The following BMPR2 variants were observed in gnomAD, a reference collection of about 807,000 sequenced individuals.
BMPR2 encodes bone morphogenetic protein receptor type-2.
Under a neutral mutation model 100.8 loss-of-function variants are expected in BMPR2, and 29 were observed. The observed-to-expected ratio is 0.29, with a 90% CI of 0.21 to 0.39. The LOEUF (loss-of-function observed/expected upper bound fraction) is 0.39. Among genes scored for constraint, BMPR2 ranks in the 10% least tolerant of loss-of-function variants. The pLI is 1.00. For missense variants in BMPR2, 1,011 were observed against 1,274.5 expected, an observed-to-expected ratio of 0.79 and a Z score of 3.15; for synonymous variants, 382 against 442.3, an observed-to-expected ratio of 0.86 and a Z score of 1.71.
chr2:202,555,377 C>T lies in BMPR2; in HGVS notation c.1712C>T (p.Ser571Phe). 6.2e-7 allele frequency: 1 copy of T among 1,614,136 alleles called. No individual in the cohort carries two copies. The highest frequency in any genetic ancestry group is 8.5e-7 in the Non-Finnish European group (1 of 1,180,014). The stretch of plus-strand genomic sequence containing the variant: ...GTGAAGAATATTTCCTCTGAGCATT[C>T]TATGTCCAGCACACCTTTGACTATA... ...SIVKNISSEH[S>F]MSSTPLTIGE... Residue 571 changes from serine (S) to phenylalanine (F), a missense_variant, in exon 12 of 13, where the codon TCT becomes TTT. Ser to Phe is a radical substitution (Grantham distance 155). This residue lies in a region of BMPR2 where 508 missense variants were observed against 552.0 expected (regional missense o/e 0.92). Coordinates refer to ENST00000374580, the MANE Select transcript of BMPR2 (RefSeq NM_001204.7).
intron 10 of BMPR2, among the ~76,000 whole-genome samples, chr2:202,548,505 C>G (rs1361620008): frequency 6.6e-6 from 1 of 152,016 alleles, no homozygotes; most frequent in East Asian, 1.9e-4. Flanking sequence ...TAGTATAATA[C>G]TTAACCTTAC....
At chr2:202,444,948 C>G (rs1048216505) in intron 1 of BMPR2, among the ~76,000 whole-genome samples, 2 of 150,346 alleles carry the variant, frequency 1.3e-5, no homozygotes, top group Non-Finnish European at 2.9e-5. Context: ...GCCACCATGC[C>G]TGGCTAATTT....
intron 9 of BMPR2, among the ~76,000 whole-genome samples, chr2:202,535,888 G>A (rs1688146840): frequency 6.6e-6 from 1 of 152,230 alleles, no homozygotes; most frequent in Admixed American, 6.5e-5. Flanking sequence ...CTGGAGACCG[G>A]CCTGGCCAAC....
At chr2:202,485,329 T>C (rs1486257961) in intron 3 of BMPR2, among the ~76,000 whole-genome samples, 1 of 151,962 alleles carries the variant, frequency 6.6e-6, no homozygotes, top group Admixed American at 6.6e-5. Flanking sequence ...TTGGACAGCT[T>C]TGGAGGCCAG....
intron 3 of BMPR2, among the ~76,000 whole-genome samples, chr2:202,470,770 CA>C (rs35813080): frequency 0.21 from 13,840 of 65,420 alleles, 486 homozygotes; most frequent in Non-Finnish European, 0.24. Flanking sequence ...GACTCCGTCT[CA>C]AAAAAAAAAA....
chr2:202,444,948 C>T (rs1048216505), intron 1 of BMPR2, among the ~76,000 whole-genome samples: 1 of 150,346 alleles, frequency 6.7e-6, no homozygotes, highest in Non-Finnish European at 1.5e-5. Flanking sequence ...GCCACCATGC[C>T]TGGCTAATTT....
At chr2:202,535,200 C>G (rs1688121593) in intron 9 of BMPR2, among the ~76,000 whole-genome samples, 1 of 151,620 alleles carries the variant, frequency 6.6e-6, no homozygotes, top group South Asian at 2.1e-4. Flanking sequence ...CCCCACCTCC[C>G]TCCCGGACGG....
Position 202,495,038 on chromosome 2 carries a change from A to C in BMPR2, c.419-18681A>C, listed in dbSNP as rs960003365. 2.6e-5 allele frequency among the ~76,000 whole-genome samples: 4 copies of C among 152,134 alleles called. No homozygotes were observed. Among genetic ancestry groups the C allele is most frequent in the Non-Finnish European group, 4.4e-5 (3 of 68,022 alleles). On this transcript the variant is annotated intron_variant, in intron 3 of 12. Coordinates refer to ENST00000374580, the MANE Select transcript of BMPR2 (RefSeq NM_001204.7). The surrounding 1 kb of genome is among the most constrained non-coding windows in gnomAD (Gnocchi z 4.5). ...AGGTAGGCTGTGGGGCTCCGACCTC[A>C]CAACAGTGTCTAGGAGTGAATGTTT...
chr2:202,527,270 GA>G (rs1687931520), intron 7 of BMPR2, among the ~76,000 whole-genome samples: 2 of 152,050 alleles, frequency 1.3e-5, no homozygotes, highest in African/African-American at 2.4e-5. Context: ...GGTGGATCGT[GA>G]GGTCAAGAAA....
At position 202,420,537 on chromosome 2, in the gene BMPR2, ATTTTTTTTTTTT is replaced by A. The variant is rs10555458; in HGVS notation, c.76+43005_76+43016del. On this transcript the variant is annotated intron_variant, in intron 1 of 12. Coordinates refer to ENST00000374580, the MANE Select transcript of BMPR2 (RefSeq NM_001204.7). ...GTATGCAAACATCTGTAGAAGCATG[ATTTTTTTTTTTT>A]TTTTTTTTTTTTTTTTTGAGACAGA... Among the ~76,000 whole-genome samples the A allele has an allele frequency of 1.3e-3, 79 of 59,020 alleles. No homozygotes were observed. In the East Asian group the frequency reaches 0.025, roughly 19 times the overall value. 38.7% of individuals were successfully genotyped at this position (59,020 alleles called of 152,430 possible). A position where few individuals can be genotyped will look rare whatever the true frequency, so the allele number is the denominator to read the frequency against.
chr2:202,422,601 C>T (rs773057880), intron 1 of BMPR2, among the ~76,000 whole-genome samples: 14 of 152,016 alleles, frequency 9.2e-5, no homozygotes, highest in Admixed American at 2.6e-4. Context: ...CCATCGTGCC[C>T]GGCCATAAAG....
chr2:202,514,731 A>G (rs1283841237), intron 4 of BMPR2, among the ~76,000 whole-genome samples, 157 bp from the exon 5 acceptor site: 1 of 152,222 alleles, frequency 6.6e-6, no homozygotes, highest in African/African-American at 2.4e-5. Context: ...GGTATTACCT[A>G]GTTTAGTAAA....
intron 1 of BMPR2, among the ~76,000 whole-genome samples, chr2:202,417,136 T>C (rs1214560685): frequency 6.6e-6 from 1 of 151,620 alleles, no homozygotes; most frequent in East Asian, 1.9e-4. Flanking sequence ...GCGCCCAGCC[T>C]AGCACATTTT....
chr2:202,459,543 T>C (rs899653130), intron 1 of BMPR2, among the ~76,000 whole-genome samples: 2 of 152,150 alleles, frequency 1.3e-5, no homozygotes, highest in East Asian at 1.9e-4. Context: ...TATGTGTCCA[T>C]GTGTTTTCAT....
intron 3 of BMPR2, among the ~76,000 whole-genome samples, chr2:202,504,679 T>A (rs1238973944): frequency 1.6e-5 from 1 of 63,518 alleles, no homozygotes; most frequent in Non-Finnish European, 2.9e-5. Context: ...TAGTAGATTC[T>A]TTTTTTTTTT....
chr2:202,480,258 G>A (rs189952478), intron 3 of BMPR2, among the ~76,000 whole-genome samples: 299 of 152,044 alleles, frequency 2.0e-3, no homozygotes, highest in African/African-American at 6.7e-3. Flanking sequence ...TCAGCCTCCC[G>A]AGTAGCTGGG....
rs558681006 is a variant in BMPR2, at chr2:202,484,630, G to A, written c.418+16941G>A. Among the ~76,000 whole-genome samples, 130 of 149,026 alleles carry A rather than the reference G, an allele frequency of 8.7e-4. 1 individual carries two copies. The highest frequency in any genetic ancestry group is 2.2e-3 in the Admixed American group (33 of 14,756). On this transcript the variant is annotated intron_variant, in intron 3 of 12. Transcript: ENST00000374580. ...GGAGGTTGCAGTGAGCCGAGATCGCGCCACTGCACTCCAGCCTGGGCGACA... is the reference window on the plus strand; with the variant it reads ...GGAGGTTGCAGTGAGCCGAGATCGCACCACTGCACTCCAGCCTGGGCGACA...
chr2:202,536,482 T>G (rs762345374), intron 9 of BMPR2, among the ~76,000 whole-genome samples: 3 of 152,182 alleles, frequency 2.0e-5, no homozygotes, highest in Admixed American at 1.3e-4. Flanking sequence ...TACAGGTTAA[T>G]CAGTTATCTA....
At chr2:202,480,067 T>C (rs1452770656) in intron 3 of BMPR2, among the ~76,000 whole-genome samples, 2 of 152,114 alleles carry the variant, frequency 1.3e-5, no homozygotes, top group Non-Finnish European at 2.9e-5. Context: ...TACATAGTTT[T>C]GACATTTTTA....
Sources: gnomAD v4.1 joint callset for allele counts (sites outside exome capture counted in the v4.1 genomes callset) on GRCh38, gnomAD v4.1.1 for gene constraint, gnomAD v4.1.1 regional missense constraint, Gnocchi (gnomAD v3.1) non-coding constraint, MANE v1.5 for transcripts, NCBI Gene and HGNC (gene_info 2026-07-23, HGNC 2026-07-21) for gene names.